COL23A1: variants seen among roughly 807,000 people sequenced by gnomAD.
The protein encoded by COL23A1 is collagen alpha-1(XXIII) chain.
In COL23A1, 97 loss-of-function variants were observed where a neutral mutation model predicts 99.3. The observed-to-expected ratio is 0.98, with a 90% CI of 0.83 to 1.16. The LOEUF is 1.16. COL23A1 is among the 50% of genes most tolerant of loss of function. The pLI is 0.00. For synonymous variants in COL23A1, 320 were observed against 308.2 expected (o/e 1.04, Z -0.40); for missense variants, 762 against 757.4 (o/e 1.01, Z -0.07).
chr5:178,487,293 TTTA>T (rs1562015604), intron 2 of COL23A1, among the ~76,000 whole-genome samples: 8,647 of 122,424 alleles, frequency 0.071, 457 homozygotes, highest in African/African-American at 0.18. Context: ...CTCAGTTTTA[TTTA>T]TTTATTTATT....
chr5:178,427,279 C>T (rs146805827), intron 2 of COL23A1, among the ~76,000 whole-genome samples: 23 of 152,332 alleles, frequency 1.5e-4, no homozygotes, highest in African/African-American at 5.5e-4. Context: ...CAGATGCTGG[C>T]AGGGATGTGG....
At chr5:178,546,207 G>A (rs561058753) in intron 2 of COL23A1, among the ~76,000 whole-genome samples, 11 of 152,186 alleles carry the variant, frequency 7.2e-5, no homozygotes, top group Middle Eastern at 3.4e-3. Context: ...ATGGGGTGGC[G>A]GGGGGCAGAT....
chr5:178,383,853 G>A (rs184944563), intron 2 of COL23A1, among the ~76,000 whole-genome samples: 2 of 150,288 alleles, frequency 1.3e-5, no homozygotes, highest in Non-Finnish European at 3.0e-5. Context: ...GCTGGACATG[G>A]TAAAAGCAAA....
At chr5:178,400,157 G>C (rs1764361317) in intron 2 of COL23A1, among the ~76,000 whole-genome samples, 2 of 152,028 alleles carry the variant, frequency 1.3e-5, no homozygotes, top group Admixed American at 1.3e-4. Flanking sequence ...ATGAGGTCAG[G>C]AGATCGAGAC....
At chr5:178,491,561 G>C (rs939088574) in intron 2 of COL23A1, among the ~76,000 whole-genome samples, 1 of 152,028 alleles carries the variant, frequency 6.6e-6, no homozygotes, top group Non-Finnish European at 1.5e-5. Context: ...GTAAACCAAG[G>C]ATGAAAACTG....
chr5:178,479,610 T>C (rs1562008529), intron 2 of COL23A1, among the ~76,000 whole-genome samples: 1 of 152,132 alleles, frequency 6.6e-6, no homozygotes. Context: ...AGATGATACA[T>C]GTTAGGGACA....
At chr5:178,244,086 C>T (rs1299160871) in intron 25 of COL23A1, among the ~76,000 whole-genome samples, 2 of 152,192 alleles carry the variant, frequency 1.3e-5, no homozygotes, top group Non-Finnish European at 2.9e-5. Context: ...CTCATGCCAT[C>T]CTCCCGCCTC....
Position 178,319,398 on chromosome 5 carries a change from A to T in COL23A1, c.362-12479T>A, listed in dbSNP as rs375095971. Among the ~76,000 whole-genome samples the T allele has an allele frequency of 2.0e-5, 3 of 148,990 alleles. No homozygotes were observed. The Admixed American group carries it at 2.0e-4, about 10-fold the overall frequency. ...TTGCTTTCAGAGAATGAAAAGCTCT[A>T]TTTTTTTTTTTAAACTTAAAAGGTC... On this transcript the variant is annotated intron_variant, in intron 2 of 28. Coordinates refer to ENST00000390654, the MANE Select transcript of COL23A1 (RefSeq NM_173465.4).
Position 178,306,192 on chromosome 5 carries a change from G to A in COL23A1, c.406+683C>T, listed in dbSNP as rs1473684024. ...GGGAGGAAGCGCAGCCCAGACAGCC[G>A]GGACTGCCCAGCATGGGGGAGTGGC... On this transcript the variant is annotated intron_variant, in intron 3 of 28. Coordinates refer to ENST00000390654, the MANE Select transcript of COL23A1 (RefSeq NM_173465.4). The surrounding 1 kb of genome is among the most constrained non-coding windows in gnomAD (Gnocchi z 4.1). Among the ~76,000 whole-genome samples, 2 of 152,120 alleles carry A rather than the reference G, an allele frequency of 1.3e-5. No individual in the cohort carries two copies. Among genetic ancestry groups the A allele is most frequent in the African/African-American group, 4.8e-5 (2 of 41,418 alleles).
Position 178,307,566 on chromosome 5 carries a change from A to G in COL23A1, c.362-647T>C, listed in dbSNP as rs541471834. 6.6e-5 allele frequency among the ~76,000 whole-genome samples: 10 copies of G among 152,304 alleles called. No homozygotes were observed. The South Asian group carries it at 2.1e-3, about 32-fold the overall frequency. ...ATAAGCCCTTCTGAATTTACGGTGC[A>G]GAACCCCCTACCTCCGCCTCTGGCC... On this transcript the variant is annotated intron_variant, in intron 2 of 28. Transcript: ENST00000390654. This position sits in a 1 kb window ranked among gnomAD's most constrained non-coding sequence, Gnocchi z 4.2.
At chr5:178,326,866 CCT>C (rs1759701855) in intron 2 of COL23A1, among the ~76,000 whole-genome samples, 1 of 152,188 alleles carries the variant, frequency 6.6e-6, no homozygotes, top group African/African-American at 2.4e-5. Flanking sequence ...ACTACAGGCG[CCT>C]GCCACCACGC....
intron 25 of COL23A1, among the ~76,000 whole-genome samples, chr5:178,244,919 A>C (rs1764587805): frequency 6.6e-6 from 1 of 151,996 alleles, no homozygotes; most frequent in African/African-American, 2.4e-5. Context: ...TCCTTGCTAC[A>C]ATGCATCATC....
At chr5:178,356,525 G>A (rs766199060) in intron 2 of COL23A1, among the ~76,000 whole-genome samples, 10 of 152,172 alleles carry the variant, frequency 6.6e-5, no homozygotes, top group Non-Finnish European at 1.3e-4. Context: ...GGAGGCAGGG[G>A]TGGGAGGAGG....
intron 1 of COL23A1, among the ~76,000 whole-genome samples, chr5:178,576,401 A>AT (rs1449970086): frequency 6.6e-6 from 1 of 151,812 alleles, no homozygotes; most frequent in Admixed American, 6.6e-5. Context: ...ACCACGCCTG[A>AT]TTTTTGTATT....
intron 2 of COL23A1, among the ~76,000 whole-genome samples, chr5:178,553,008 A>G (rs1762085938): frequency 6.6e-6 from 1 of 152,048 alleles, no homozygotes; most frequent in Non-Finnish European, 1.5e-5. Context: ...GCGCCTGGCC[A>G]GGAAAATTTT....
intron 2 of COL23A1, among the ~76,000 whole-genome samples, chr5:178,400,366 C>CAA (rs58417444): frequency 0.27 from 16,784 of 62,206 alleles, 2,807 homozygotes; most frequent in Middle Eastern, 0.39. Flanking sequence ...GACTCCGTCT[C>CAA]AAAAAAAAAA....
At chr5:178,248,163 G>T in intron 20 of COL23A1, 29 bp downstream of exon 20, 1 of 1,484,048 alleles carries the variant, frequency 6.7e-7, no homozygotes, top group Non-Finnish European at 9.3e-7. Context: ...GGTGTTGGGG[G>T]AAGCCCTGAC....
chr5:178,243,844 A>G (rs1462436834), intron 25 of COL23A1, among the ~76,000 whole-genome samples: 1 of 152,034 alleles, frequency 6.6e-6, no homozygotes, highest in Non-Finnish European at 1.5e-5. Context: ...CCTTAGCTCC[A>G]CCCTCAACTG....
chr5:178,398,672 A>C (rs999443690), intron 2 of COL23A1, among the ~76,000 whole-genome samples: 1 of 152,232 alleles, frequency 6.6e-6, no homozygotes, highest in Non-Finnish European at 1.5e-5. Context: ...AATATTGTTA[A>C]ATGTAAAATT....
Sources: allele counts gnomAD v4.1 joint callset (sites outside exome capture counted in the v4.1 genomes callset), GRCh38; gene constraint gnomAD v4.1.1; non-coding constraint Gnocchi (gnomAD v3.1); transcripts MANE v1.5; gene names NCBI Gene and HGNC (gene_info 2026-07-23, HGNC 2026-07-21).